ETV6: variants seen among roughly 807,000 people sequenced by gnomAD.
ETV6 encodes transcription factor ETV6.
A neutral mutation model predicts 51.1 loss-of-function variants in ETV6; 16 were observed. That is an observed-to-expected ratio of 0.31 (90% CI 0.21 to 0.48). The LOEUF is 0.48. ETV6 is among the 20% of genes least tolerant of loss of function. The pLI is 0.99. For synonymous variants in ETV6, 240 were observed against 224.1 expected, an observed-to-expected ratio of 1.07 and a Z score of -0.64; for missense variants, 458 against 594.8, an observed-to-expected ratio of 0.77 and a Z score of 2.39.
intron 1 of ETV6, among the ~76,000 whole-genome samples, chr12:11,698,293 A>T (rs1425971318): frequency 1.3e-5 from 2 of 152,234 alleles, no homozygotes; most frequent in Non-Finnish European, 2.9e-5. Flanking sequence ...ACAAACTGCC[A>T]CAAATTTAGT....
At chr12:11,762,996 G>T (rs1288238457) in intron 2 of ETV6, among the ~76,000 whole-genome samples, 1 of 151,994 alleles carries the variant, frequency 6.6e-6, no homozygotes, top group Non-Finnish European at 1.5e-5. Context: ...CCTCCTCCTC[G>T]CATGCCTTGC....
chr12:11,795,621 G>A (rs1286463628), intron 2 of ETV6, among the ~76,000 whole-genome samples: 2 of 152,172 alleles, frequency 1.3e-5, no homozygotes, highest in African/African-American at 2.4e-5. Flanking sequence ...TGTCCACATC[G>A]ATTTCACCAC....
chr12:11,810,001 A>G (rs889818991), intron 2 of ETV6, among the ~76,000 whole-genome samples: 2 of 151,706 alleles, frequency 1.3e-5, no homozygotes, highest in African/African-American at 4.8e-5. Flanking sequence ...TTGTATTTTT[A>G]GGAGAGACAG....
At chr12:11,737,631 TG>T (rs529532575) in intron 1 of ETV6, among the ~76,000 whole-genome samples, 26 of 152,324 alleles carry the variant, frequency 1.7e-4, no homozygotes, top group African/African-American at 6.0e-4. Flanking sequence ...GGTGAGACAA[TG>T]CATATTAATT....
At chr12:11,718,546 G>A (rs1023256857) in intron 1 of ETV6, among the ~76,000 whole-genome samples, 5 of 150,846 alleles carry the variant, frequency 3.3e-5, no homozygotes, top group Admixed American at 6.6e-5. Context: ...CAGGCGGATC[G>A]CTTGAGCTCA....
At chr12:11,865,352 A>G (rs1165834256) in intron 4 of ETV6, among the ~76,000 whole-genome samples, 1 of 151,876 alleles carries the variant, frequency 6.6e-6, no homozygotes, top group African/African-American at 2.4e-5. Context: ...GTTCCTCGGT[A>G]TCATCAAATA....
chr12:11,767,429 T>C (rs1378503920), intron 2 of ETV6, among the ~76,000 whole-genome samples: 1 of 152,214 alleles, frequency 6.6e-6, no homozygotes, highest in Non-Finnish European at 1.5e-5. Context: ...TTGGCAAATA[T>C]TTAGTAGAAG....
intron 2 of ETV6, among the ~76,000 whole-genome samples, chr12:11,764,474 T>C (rs985768218): frequency 2.6e-5 from 4 of 152,260 alleles, no homozygotes; most frequent in Non-Finnish European, 5.9e-5. Context: ...GATTTGAGAA[T>C]GTGCAAGTCA....
At chr12:11,689,115 C>G (rs575273184) in intron 1 of ETV6, among the ~76,000 whole-genome samples, 1 of 134,480 alleles carries the variant, frequency 7.4e-6, no homozygotes, top group African/African-American at 2.9e-5. Flanking sequence ...AGGCCCAGGA[C>G]TCAGCCTGGC....
Position 11,781,856 on chromosome 12 carries a change from A to C in ETV6, c.163+29277A>C, listed in dbSNP as rs569466357. Among the ~76,000 whole-genome samples the C allele has an allele frequency of 5.3e-5, 8 of 152,232 alleles. No homozygotes were observed. The South Asian group carries it at 1.7e-3, about 32-fold the overall frequency. Reference sequence around the variant, plus strand: ...GTACTTTCTCTGTACCTTTATGTTAATTATTTGGAAGGGAAAAAGATTGAA... The same window carrying C: ...GTACTTTCTCTGTACCTTTATGTTACTTATTTGGAAGGGAAAAAGATTGAA... On this transcript the variant is annotated intron_variant, in intron 2 of 7. Transcript: ENST00000396373.
chr12:11,681,042 G>C (rs2120744268), intron 1 of ETV6, among the ~76,000 whole-genome samples: 1 of 152,266 alleles, frequency 6.6e-6, no homozygotes, highest in Non-Finnish European at 1.5e-5. Context: ...CACAGATGAA[G>C]CCATTTTCTA....
chr12:11,840,744 A>G, intron 3 of ETV6: 1 of 319,864 alleles, frequency 3.1e-6, no homozygotes, highest in Non-Finnish European at 6.2e-6. Context: ...TATCTTCAAA[A>G]TTGAGTAATT....
intron 5 of ETV6, among the ~76,000 whole-genome samples, chr12:11,872,253 G>T (rs1946891032): frequency 6.6e-6 from 1 of 152,188 alleles, no homozygotes; most frequent in African/African-American, 2.4e-5. Flanking sequence ...CCATGACCGA[G>T]GTGTGCAGGA....
chr12:11,711,170 A>G (rs17818461), intron 1 of ETV6, among the ~76,000 whole-genome samples: 56,864 of 152,082 alleles, frequency 0.37, 10,969 homozygotes, highest in East Asian at 0.51. Flanking sequence ...GTGTCCCCAG[A>G]GAATTGAGTC....
At chr12:11,786,012 C>CA (rs911848736) in intron 2 of ETV6, among the ~76,000 whole-genome samples, 93 of 150,244 alleles carry the variant, frequency 6.2e-4, no homozygotes, top group African/African-American at 1.9e-3. Context: ...CCATTGGCTA[C>CA]AAAAAAAAAT....
intron 1 of ETV6, among the ~76,000 whole-genome samples, chr12:11,717,307 A>G (rs951629247): frequency 6.6e-6 from 1 of 152,198 alleles, no homozygotes; most frequent in South Asian, 2.1e-4. Flanking sequence ...CCCTTATTTC[A>G]TCACCTATTA....
At chr12:11,889,220 A>G (rs1435679699) in intron 7 of ETV6, among the ~76,000 whole-genome samples, 2 of 152,166 alleles carry the variant, frequency 1.3e-5, no homozygotes, top group African/African-American at 2.4e-5. Flanking sequence ...AAGAGGAGAA[A>G]AACTGCAGAT....
At chr12:11,753,809 T>G (rs1042406598) in intron 2 of ETV6, among the ~76,000 whole-genome samples, 4 of 152,226 alleles carry the variant, frequency 2.6e-5, no homozygotes, top group African/African-American at 7.2e-5. Context: ...TGAGAATCCT[T>G]TCCCTCCTGC....
intron 1 of ETV6, among the ~76,000 whole-genome samples, chr12:11,741,225 C>T (rs1056345539): frequency 6.6e-6 from 1 of 152,162 alleles, no homozygotes; most frequent in African/African-American, 2.4e-5. Context: ...CCCACTGGCC[C>T]CTTTAAAATG....
Sources: gnomAD v4.1 joint callset for allele counts (sites outside exome capture counted in the v4.1 genomes callset) on GRCh38, gnomAD v4.1.1 for gene constraint, MANE v1.5 for transcripts, NCBI Gene and HGNC (gene_info 2026-07-23, HGNC 2026-07-21) for gene names.